Variants in AARS1 observed in about 807,000 individuals in gnomAD.
The protein encoded by AARS1 is alanyl-tRNA synthetase 1, also known as alanine--tRNA ligase, cytoplasmic.
AARS1 carries 72 observed loss-of-function variants against 108.9 expected under a neutral mutation model. The observed-to-expected ratio is 0.66, with a 90% CI of 0.55 to 0.80. The LOEUF (loss-of-function observed/expected upper bound fraction) is 0.80, where lower values mean the gene tolerates loss of function less well. AARS1 is among the 30% of genes least tolerant of loss of function. The pLI is 0.00. For missense variants in AARS1, 1,193 were observed against 1,233.2 expected (o/e 0.97, Z 0.49); for synonymous variants, 489 against 465.7 (o/e 1.05, Z -0.64).
intron 6 of AARS1, 139 bp downstream of exon 6, chr16:70,270,057 A>T: frequency 1.8e-6 from 2 of 1,112,344 alleles, no homozygotes; most frequent in South Asian, 2.6e-5. Flanking sequence ...GCCTCACATT[A>T]TTAACAATGA....
chr16:70,265,193 A>G, intron 10 of AARS1, 91 bp from the exon 11 acceptor site: 1 of 1,500,758 alleles, frequency 6.7e-7, no homozygotes. Flanking sequence ...GCCCAGCATA[A>G]ACTGCCAGAA....
At chr16:70,268,682 G>A (rs1389851170) in intron 7 of AARS1, among the ~76,000 whole-genome samples, 1 of 152,138 alleles carries the variant, frequency 6.6e-6, no homozygotes, top group Admixed American at 6.6e-5. Flanking sequence ...GGTCCTGCCT[G>A]TCAGTAAGAG....
chr16:70,281,800 T>A (rs1048727910), intron 2 of AARS1, among the ~76,000 whole-genome samples: 1 of 152,066 alleles, frequency 6.6e-6, no homozygotes, highest in African/African-American at 2.4e-5. Context: ...TACAGCATGC[T>A]AGGATCATGC....
In AARS1 at chr16:70,276,404, T is replaced by A. The variant is rs940425771; in HGVS notation, c.479+82A>T. 19 of 1,476,674 alleles carry A rather than the reference T, an allele frequency of 1.3e-5. No individual in the cohort carries two copies. The South Asian group carries it at 1.9e-4, about 15-fold the overall frequency. 91.5% of individuals were successfully genotyped at this position (1,476,674 alleles called of 1,614,324 possible). ...AACCCTGAGATGCAAAATGACCACA[T>A]ATTCCAGGTCATAAAACCCCACTCT... On this transcript the variant is annotated intron_variant, in intron 4 of 20. Coordinates refer to ENST00000261772, the MANE Select transcript of AARS1 (RefSeq NM_001605.3).
chr16:70,260,389 C>T (rs1011204231), intron 13 of AARS1, among the ~76,000 whole-genome samples: 1 of 152,158 alleles, frequency 6.6e-6, no homozygotes, highest in Admixed American at 6.6e-5. Context: ...AGAACATACA[C>T]TGCTATCCTG....
chr16:70,267,582 C>A (rs1597440605), intron 9 of AARS1, 77 bp downstream of exon 9: 2 of 1,563,584 alleles, frequency 1.3e-6, no homozygotes, highest in East Asian at 2.2e-5. Flanking sequence ...AGCCCACAGT[C>A]AGTCTGTCAG....
intron 1 of AARS1, among the ~76,000 whole-genome samples, chr16:70,283,864 G>A (rs778188998): frequency 6.6e-6 from 1 of 152,192 alleles, no homozygotes; most frequent in Non-Finnish European, 1.5e-5. Context: ...ACAGCTTACT[G>A]AAAGTGAAAG....
chr16:70,269,854 T>C (rs1960355170), intron 6 of AARS1, 91 bp from the exon 7 acceptor site: 6 of 1,532,068 alleles, frequency 3.9e-6, no homozygotes, highest in Non-Finnish European at 5.4e-6. Context: ...TGAGGAGCAT[T>C]AGCAGAAAGG....
chr16:70,258,908 C>A, intron 14 of AARS1, 72 bp downstream of exon 14: 1 of 1,499,830 alleles, frequency 6.7e-7, no homozygotes, highest in Middle Eastern at 2.1e-4. Context: ...AGTGAGAGCA[C>A]CGCACTGCTA....
chr16:70,272,889 G>C (rs987966949), intron 4 of AARS1, among the ~76,000 whole-genome samples: 6 of 140,384 alleles, frequency 4.3e-5, no homozygotes, highest in Admixed American at 2.9e-4. Flanking sequence ...CAGCCTGGGT[G>C]ACACACACAC....
chr16:70,252,625 G>T lies in AARS1; in HGVS notation c.*96C>A. ...TTCCAGTTACTGCTGGGTTAGGAGGGGCTCTTTAAAGGTCCCAAGATTCAA... is the reference window on the plus strand; with the variant it reads ...TTCCAGTTACTGCTGGGTTAGGAGGTGCTCTTTAAAGGTCCCAAGATTCAA... On this transcript the variant is annotated 3_prime_UTR_variant, in exon 21 of 21. Coordinates refer to ENST00000261772, the MANE Select transcript of AARS1 (RefSeq NM_001605.3). The T allele has an allele frequency of 1.4e-6, 2 of 1,383,918 alleles. No individual in the cohort carries two copies. The highest frequency in any genetic ancestry group is 2.0e-6 in the Non-Finnish European group (2 of 980,088). The allele number at this position is 1,383,918 out of a possible 1,614,324, so 85.7% of individuals were successfully genotyped here. A position where few individuals can be genotyped will look rare whatever the true frequency, so the allele number is the denominator to read the frequency against.
chr16:70,255,988 C>T lies in AARS1; in HGVS notation c.2178-152G>A, dbSNP rs568613739. ...TCTGACACCAAGCGGGACACCAGCT[C>T]GCTGAGCCTGAGTGTTCTCAGTTCT... On this transcript the variant is annotated intron_variant, in intron 15 of 20. Coordinates refer to ENST00000261772, the MANE Select transcript of AARS1 (RefSeq NM_001605.3). 8.4e-4 allele frequency: 594 copies of T among 704,574 alleles called. 12 individuals are homozygous for T. In the South Asian group the frequency reaches 9.4e-3, roughly 11 times the overall value. 43.6% of individuals were successfully genotyped at this position (704,574 alleles called of 1,614,324 possible).
At chr16:70,260,702 G>A (rs534938147) in intron 13 of AARS1, among the ~76,000 whole-genome samples, 1 of 151,848 alleles carries the variant, frequency 6.6e-6, no homozygotes, top group African/African-American at 2.4e-5. Flanking sequence ...TCGCTCTGTT[G>A]CCCAGGCTGG....
rs753154329 is a variant in AARS1 at position 70,282,781 on chromosome 16, AG to A, written c.-19del. 2 of 1,613,770 alleles carry A rather than the reference AG, an allele frequency of 1.2e-6. No individual in the cohort carries two copies. Among genetic ancestry groups the A allele is most frequent in the Non-Finnish European group, 1.7e-6 (2 of 1,179,838 alleles). On this transcript the variant is annotated splice_region_variant and 5_prime_UTR_variant, in exon 2 of 21. Coordinates refer to ENST00000261772, the MANE Select transcript of AARS1 (RefSeq NM_001605.3). The stretch of plus-strand genomic sequence containing the variant: ...GAGTCCATCTTGAAAGTCACCCCAA[AG>A]AACTAATCAAAGAAAAAAAAATGAA...
In AARS1 at chr16:70,275,632, G is replaced by A. The variant is rs12149776; in HGVS notation, c.479+854C>T. The stretch of plus-strand genomic sequence containing the variant: ...CAAAAAATTAGCCGGGCGTGGTGGT[G>A]GGCGCCTGTAGTCCCAGCTACTCGG... On this transcript the variant is annotated intron_variant, in intron 4 of 20. Transcript: ENST00000261772. 2.6e-3 allele frequency among the ~76,000 whole-genome samples: 397 copies of A among 151,762 alleles called. 2 individuals are homozygous for A. The highest frequency in any genetic ancestry group is 3.6e-3 in the Non-Finnish European group (246 of 67,948).
At position 70,252,620 on chromosome 16, in the gene AARS1, G is replaced by A. The variant is rs913350859; in HGVS notation, c.*101C>T. The A allele has an allele frequency of 3.7e-6, 5 of 1,346,782 alleles. No homozygotes were observed. Among genetic ancestry groups the A allele is most frequent in the Non-Finnish European group, 5.3e-6 (5 of 948,286 alleles). 83.4% of individuals were successfully genotyped at this position (1,346,782 alleles called of 1,614,324 possible). A position where few individuals can be genotyped will look rare whatever the true frequency, so the allele number is the denominator to read the frequency against. On this transcript the variant is annotated 3_prime_UTR_variant, in exon 21 of 21. Transcript: ENST00000261772. ...GTGTGTTCCAGTTACTGCTGGGTTA[G>A]GAGGGGCTCTTTAAAGGTCCCAAGA...
chr16:70,268,919 T>C (rs1175317636), intron 7 of AARS1, among the ~76,000 whole-genome samples: 1 of 152,168 alleles, frequency 6.6e-6, no homozygotes, highest in Non-Finnish European at 1.5e-5. Context: ...TTAAGTTTCA[T>C]AAAGAGGCCG....
chr16:70,272,075 T>C lies in AARS1; in HGVS notation c.480-103A>G, dbSNP rs1376990757. On this transcript the variant is annotated intron_variant, in intron 4 of 20. Coordinates refer to ENST00000261772, the MANE Select transcript of AARS1 (RefSeq NM_001605.3). Reference sequence around the variant, plus strand: ...AATTCTTAGGATTGGCCGGGCACAGTGGCTCATGTTACTGCACTCCAGCCT... The same window carrying C: ...AATTCTTAGGATTGGCCGGGCACAGCGGCTCATGTTACTGCACTCCAGCCT... 9 of 1,066,244 alleles carry C rather than the reference T, an allele frequency of 8.4e-6. No homozygotes were observed. The African/African-American group carries it at 1.2e-4, about 15-fold the overall frequency. The allele number at this position is 1,066,244 out of a possible 1,614,324, so 66.0% of individuals were successfully genotyped here.
chr16:70,253,602 T>C, intron 19 of AARS1, 112 bp downstream of exon 19: 1 of 1,293,574 alleles, frequency 7.7e-7, no homozygotes. Context: ...CCAATCTCAA[T>C]CCCAGACCGT....
Sources: gnomAD v4.1 joint callset for allele counts (sites outside exome capture counted in the v4.1 genomes callset) on GRCh38, gnomAD v4.1.1 for gene constraint, MANE v1.5 for transcripts, NCBI Gene and HGNC (gene_info 2026-07-23, HGNC 2026-07-21) for gene names.